Variants in SCFD2 observed in about 807,000 individuals in gnomAD.
SCFD2 encodes the protein sec1 family domain containing 2, also known as sec1 family domain-containing protein 2.
Under a neutral mutation model 58.9 loss-of-function variants are expected in SCFD2, and 54 were observed. The ratio of observed to expected loss-of-function variants is 0.92; its 90% CI spans 0.74 to 1.15. SCFD2 has a LOEUF of 1.15. SCFD2 is among the 50% of genes most tolerant of loss of function. SCFD2 has a pLI of 0.00. For synonymous variants in SCFD2, 321 were observed against 335.9 expected, an observed-to-expected ratio of 0.96 and a Z score of 0.49; for missense variants, 805 against 836.6, an observed-to-expected ratio of 0.96 and a Z score of 0.47.
chr4:53,139,491 C>A (rs1163188049), intron 5 of SCFD2, among the ~76,000 whole-genome samples: 1 of 135,064 alleles, frequency 7.4e-6, no homozygotes, highest in Non-Finnish European at 1.7e-5. Context: ...TCTGACCGGC[C>A]GCCCAGTCTG....
At chr4:53,015,734 T>C (rs1337024661) in intron 5 of SCFD2, among the ~76,000 whole-genome samples, 2 of 152,090 alleles carry the variant, frequency 1.3e-5, no homozygotes, top group Non-Finnish European at 2.9e-5. Context: ...CCTTTAAAAC[T>C]GATTAAGTTT....
chr4:53,042,700 T>C (rs1722929224), intron 5 of SCFD2, among the ~76,000 whole-genome samples: 1 of 140,776 alleles, frequency 7.1e-6, no homozygotes, highest in Non-Finnish European at 1.5e-5. Flanking sequence ...CCTATTTTTT[T>C]TGTTTTTTTC....
intron 5 of SCFD2, among the ~76,000 whole-genome samples, chr4:52,968,086 G>A (rs550509266): frequency 2.6e-5 from 4 of 152,236 alleles, no homozygotes; most frequent in African/African-American, 9.6e-5. Flanking sequence ...TGTATTAATA[G>A]AGGCCATTTC....
chr4:53,329,475 G>T (rs1324111047), intron 2 of SCFD2, among the ~76,000 whole-genome samples: 2 of 136,608 alleles, frequency 1.5e-5, no homozygotes, highest in African/African-American at 5.5e-5. Flanking sequence ...GCACCCCCCA[G>T]CAGGGGCACA....
intron 7 of SCFD2, among the ~76,000 whole-genome samples, chr4:52,897,984 G>A (rs944196130): frequency 1.3e-5 from 2 of 152,188 alleles, no homozygotes; most frequent in Non-Finnish European, 2.9e-5. Context: ...TTGTATTTCT[G>A]TGGGATTGGT....
chr4:52,956,236 A>G (rs1196526245), intron 5 of SCFD2: 1 of 456,550 alleles, frequency 2.2e-6, no homozygotes, highest in African/African-American at 2.0e-5. Context: ...CCTCCCCATC[A>G]TACTTAGAAG....
intron 5 of SCFD2, among the ~76,000 whole-genome samples, chr4:53,065,312 G>T (rs28367019): frequency 0.017 from 2,555 of 152,138 alleles, 77 homozygotes; most frequent in African/African-American, 0.059. Flanking sequence ...CAGGGAAGTA[G>T]CCTGGGGGAA....
At chr4:53,324,420 CAA>C (rs34865805) in intron 2 of SCFD2, among the ~76,000 whole-genome samples, 63 of 93,772 alleles carry the variant, frequency 6.7e-4, no homozygotes, top group South Asian at 4.3e-3. Flanking sequence ...CCTGTCTCTC[CAA>C]AAAAAAAAAA....
At chr4:53,336,331 G>A (rs577431156) in intron 2 of SCFD2, among the ~76,000 whole-genome samples, 8 of 152,094 alleles carry the variant, frequency 5.3e-5, no homozygotes, top group East Asian at 1.9e-4. Flanking sequence ...TCTATTTATC[G>A]AATGATGGCT....
chr4:53,113,459 G>T (rs1203407079), intron 5 of SCFD2, among the ~76,000 whole-genome samples: 1 of 152,102 alleles, frequency 6.6e-6, no homozygotes, highest in Non-Finnish European at 1.5e-5. Context: ...TCACAGACAT[G>T]TAGCATAAGC....
Position 53,307,567 on chromosome 4 carries a change from C to T in SCFD2, c.1135+6069G>A, listed in dbSNP as rs552292171. Among the ~76,000 whole-genome samples the T allele has an allele frequency of 1.4e-4, 21 of 152,310 alleles. No individual in the cohort carries two copies. The South Asian group carries it at 2.7e-3, about 20-fold the overall frequency. ...AGTGACATGAACAGAGAAAACTTAACATACAGAATTGTTAAGTGGGTAATT... is the reference window on the plus strand; with the variant it reads ...AGTGACATGAACAGAGAAAACTTAATATACAGAATTGTTAAGTGGGTAATT... On this transcript the variant is annotated intron_variant, in intron 3 of 8. Transcript: ENST00000401642.
chr4:53,183,264 A>T (rs1357764633), intron 4 of SCFD2, among the ~76,000 whole-genome samples: 2 of 152,196 alleles, frequency 1.3e-5, no homozygotes, highest in African/African-American at 4.8e-5. Context: ...AATGTCCAAC[A>T]ACAATAGACC....
intron 4 of SCFD2, among the ~76,000 whole-genome samples, chr4:53,176,698 C>A (rs1727340599): frequency 6.6e-6 from 1 of 152,124 alleles, no homozygotes; most frequent in Non-Finnish European, 1.5e-5. Context: ...GCCTGTAATC[C>A]CAGCACTTTG....
intron 4 of SCFD2, among the ~76,000 whole-genome samples, chr4:53,222,345 C>G (rs532559319): frequency 3.3e-5 from 5 of 152,232 alleles, no homozygotes; most frequent in African/African-American, 1.2e-4. Context: ...TGTGCTCTGA[C>G]ATTCTTCCTG....
intron 5 of SCFD2, among the ~76,000 whole-genome samples, chr4:52,955,048 G>A (rs1278351923): frequency 1.3e-5 from 2 of 152,140 alleles, no homozygotes; most frequent in African/African-American, 4.8e-5. Context: ...TCCATCTGGT[G>A]GCTACTTTCC....
chr4:52,988,337 G>A (rs972067022), intron 5 of SCFD2, among the ~76,000 whole-genome samples: 5 of 152,162 alleles, frequency 3.3e-5, no homozygotes, highest in African/African-American at 1.2e-4. Context: ...CCTGGGGTAG[G>A]GGAAGAACTG....
intron 4 of SCFD2, among the ~76,000 whole-genome samples, chr4:53,215,167 T>C (rs572542656): frequency 1.3e-5 from 2 of 152,244 alleles, no homozygotes; most frequent in Non-Finnish European, 2.9e-5. Flanking sequence ...AACTTTAAAG[T>C]AGTTTTTTCC....
intron 4 of SCFD2, among the ~76,000 whole-genome samples, chr4:53,268,469 G>A (rs1056907073): frequency 2.6e-5 from 4 of 152,170 alleles, no homozygotes; most frequent in Non-Finnish European, 4.4e-5. Flanking sequence ...GTATCCAGGT[G>A]GAGGTTGAGT....
intron 5 of SCFD2, among the ~76,000 whole-genome samples, chr4:53,130,983 A>C (rs1725770968): frequency 6.6e-6 from 1 of 152,226 alleles, no homozygotes; most frequent in African/African-American, 2.4e-5. Flanking sequence ...TCTACACGCA[A>C]ATATAAAAGG....
Sources: allele counts gnomAD v4.1 joint callset (sites outside exome capture counted in the v4.1 genomes callset), GRCh38; gene constraint gnomAD v4.1.1; transcripts MANE v1.5; gene names NCBI Gene and HGNC (gene_info 2026-07-23, HGNC 2026-07-21).